Variants in COLQ observed in about 807,000 individuals in gnomAD.
COLQ encodes collagen like tail subunit of asymmetric acetylcholinesterase.
Under a neutral mutation model 69.0 loss-of-function variants are expected in COLQ, and 48 were observed. The ratio of observed to expected loss-of-function variants is 0.70; its 90% CI spans 0.55 to 0.88. The LOEUF is 0.88. Among genes scored for constraint, COLQ ranks in the 40% least tolerant of loss-of-function variants. The pLI, the probability that COLQ is intolerant of heterozygous loss-of-function variation, is 0.00. For synonymous variants in COLQ, 217 were observed against 211.2 expected, an observed-to-expected ratio of 1.03 and a Z score of -0.24; for missense variants, 618 against 594.6, an observed-to-expected ratio of 1.04 and a Z score of -0.41.
intron 1 of COLQ, among the ~76,000 whole-genome samples, chr3:15,515,564 C>T (rs980052863): frequency 6.6e-6 from 1 of 152,172 alleles, no homozygotes; most frequent in Non-Finnish European, 1.5e-5. Flanking sequence ...AATCCCAGCA[C>T]TTTGGGAGGC....
At chr3:15,480,108 A>G (rs2125124370) in intron 3 of COLQ, among the ~76,000 whole-genome samples, 1 of 152,296 alleles carries the variant, frequency 6.6e-6, no homozygotes. Context: ...ATTCATCAAA[A>G]TTCCCCAGGC....
At chr3:15,510,834 G>GGAAGGGAGGGAGAGAGGAAGGAAA (rs1327909992) in intron 1 of COLQ, among the ~76,000 whole-genome samples, 2 of 141,752 alleles carry the variant, frequency 1.4e-5, no homozygotes, top group Non-Finnish European at 3.1e-5. Flanking sequence ...GAGGAAGGGA[G>GGAAGGGAGGGAGAGAGGAAGGAAA]GAAGGGAGGG....
At chr3:15,477,324 C>T in intron 5 of COLQ, 127 bp from the exon 6 acceptor site, 1 of 809,984 alleles carries the variant, frequency 1.2e-6, no homozygotes, top group Non-Finnish European at 2.1e-6. Context: ...GACCCTCATC[C>T]CCACTCTCCG....
intron 12 of COLQ, among the ~76,000 whole-genome samples, chr3:15,463,681 G>A (rs1416415000): frequency 2.6e-5 from 4 of 151,982 alleles, no homozygotes; most frequent in Non-Finnish European, 4.4e-5. Context: ...GGTACCCCAG[G>A]GGCCAAGAGA....
chr3:15,452,770 G>GA (rs1333593681), intron 16 of COLQ, among the ~76,000 whole-genome samples: 1 of 152,188 alleles, frequency 6.6e-6, no homozygotes, highest in African/African-American at 2.4e-5. Context: ...GAGTCTGGGG[G>GA]AGACTGGGGG....
intron 6 of COLQ, 49 bp downstream of exon 6, chr3:15,477,077 C>T (rs1271838179): frequency 1.3e-6 from 2 of 1,520,766 alleles, no homozygotes; most frequent in South Asian, 1.2e-5. Context: ...GCCATCTTCC[C>T]CCCTCTTGTT....
At chr3:15,512,657 G>A (rs2125182427) in intron 1 of COLQ, among the ~76,000 whole-genome samples, 1 of 152,312 alleles carries the variant, frequency 6.6e-6, no homozygotes, top group Admixed American at 6.5e-5. Context: ...TATGGAAAAA[G>A]ATCTGACCTC....
intron 12 of COLQ, among the ~76,000 whole-genome samples, chr3:15,461,886 G>A (rs1052794063): frequency 2.0e-5 from 3 of 151,818 alleles, no homozygotes; most frequent in Non-Finnish European, 4.4e-5. Context: ...TTTCCCCCCC[G>A]AGAATGGGTT....
chr3:15,469,251 T>A (rs962303946), intron 11 of COLQ, among the ~76,000 whole-genome samples: 1 of 152,188 alleles, frequency 6.6e-6, no homozygotes, highest in Non-Finnish European at 1.5e-5. Flanking sequence ...GAAATGGCCT[T>A]CCTGGCTTTG....
intron 11 of COLQ, among the ~76,000 whole-genome samples, chr3:15,469,403 A>T (rs543562917): frequency 6.6e-6 from 1 of 152,196 alleles, no homozygotes; most frequent in Non-Finnish European, 1.5e-5. Flanking sequence ...TTTCTCCCCC[A>T]TATTTTTCCT....
At chr3:15,498,954 G>A in intron 1 of COLQ, 1 of 1,183,680 alleles carries the variant, frequency 8.4e-7, no homozygotes, top group Admixed American at 3.7e-5. Context: ...TTTTCATTTG[G>A]CTCAAAAACC....
chr3:15,474,846 C>T, intron 8 of COLQ, 79 bp downstream of exon 8: 3 of 1,510,348 alleles, frequency 2.0e-6, no homozygotes, highest in South Asian at 2.2e-5. Flanking sequence ...GAGACCTGGA[C>T]CCATTCTCTG....
intron 1 of COLQ, among the ~76,000 whole-genome samples, chr3:15,518,642 T>C (rs78672727): frequency 0.052 from 7,858 of 152,298 alleles, 264 homozygotes; most frequent in Non-Finnish European, 0.073. Context: ...GCTGGAATAG[T>C]CTTTCTTGAA....
At chr3:15,495,544 G>A (rs1368570755) in intron 1 of COLQ, among the ~76,000 whole-genome samples, 6 of 152,264 alleles carry the variant, frequency 3.9e-5, no homozygotes, top group East Asian at 1.9e-4. Flanking sequence ...TCCTGTTTTC[G>A]TCTGTGTTCA....
intron 16 of COLQ, among the ~76,000 whole-genome samples, chr3:15,452,346 C>G (rs139461018): frequency 6.6e-6 from 1 of 152,164 alleles, no homozygotes; most frequent in Non-Finnish European, 1.5e-5. Context: ...GAATTACAGG[C>G]GTGAGTCACA....
At position 15,511,072 on chromosome 3, in the gene COLQ, T is replaced by C. The variant is rs78609134; in HGVS notation, c.106+10448A>G. On this transcript the variant is annotated intron_variant, in intron 1 of 16. Transcript: ENST00000383788. ...TTGTGTGGGTGCTAATTCTGTAAAT[T>C]TGCAAATAGCATGTTAGCCACAAAG... is the stretch of plus-strand genomic sequence containing the variant. 7.2e-3 allele frequency among the ~76,000 whole-genome samples: 1,093 copies of C among 152,214 alleles called. 14 individuals are homozygous for C. The highest frequency in any genetic ancestry group is 0.025 in the African/African-American group (1,018 of 41,534).
intron 1 of COLQ, among the ~76,000 whole-genome samples, chr3:15,505,078 G>C (rs1559531115): frequency 6.6e-6 from 1 of 152,224 alleles, no homozygotes; most frequent in Non-Finnish European, 1.5e-5. Flanking sequence ...ATAGTCAACA[G>C]AGAACCAGAA....
intron 1 of COLQ, chr3:15,498,566 G>T: frequency 6.4e-7 from 1 of 1,552,038 alleles, no homozygotes; most frequent in South Asian, 1.2e-5. Context: ...AGATGAGCGA[G>T]GCTGAATGAT....
intron 11 of COLQ, among the ~76,000 whole-genome samples, chr3:15,469,037 T>C (rs1412390742): frequency 6.6e-6 from 1 of 152,154 alleles, no homozygotes; most frequent in East Asian, 1.9e-4. Flanking sequence ...ATGATAAAAA[T>C]AAATACCACA....
Sources: allele counts gnomAD v4.1 joint callset (sites outside exome capture counted in the v4.1 genomes callset), GRCh38; gene constraint gnomAD v4.1.1; transcripts MANE v1.5; gene names NCBI Gene and HGNC (gene_info 2026-07-23, HGNC 2026-07-21).